NKAIN3: variants seen among roughly 807,000 people sequenced by gnomAD.
NKAIN3 encodes sodium/potassium-transporting ATPase subunit beta-1-interacting protein 3.
In NKAIN3, 25 loss-of-function variants were observed where a neutral mutation model predicts 30.2. The ratio of observed to expected loss-of-function variants is 0.83; its 90% CI spans 0.60 to 1.16. The LOEUF (loss-of-function observed/expected upper bound fraction) is 1.16. NKAIN3 is among the 50% of genes most tolerant of loss of function. The probability of loss-of-function intolerance (pLI) is 0.00; values close to 1 mark genes in which losing one functional copy is unlikely to be tolerated. For missense variants in NKAIN3, 225 were observed against 254.1 expected, an observed-to-expected ratio of 0.89 and a Z score of 0.78; for synonymous variants, 91 against 89.6, an observed-to-expected ratio of 1.02 and a Z score of -0.09.
chr8:62,627,085 G>A (rs1046184806), intron 3 of NKAIN3, among the ~76,000 whole-genome samples: 6 of 152,086 alleles, frequency 3.9e-5, no homozygotes, highest in African/African-American at 9.7e-5. Context: ...CCAACGCCTC[G>A]GGGCAACTGG....
intron 5 of NKAIN3, among the ~76,000 whole-genome samples, chr8:62,952,521 A>G (rs1465308158): frequency 2.6e-5 from 4 of 152,194 alleles, no homozygotes; most frequent in South Asian, 2.1e-4. Flanking sequence ...CCCTTCATCA[A>G]TCTGAGTTCT....
intron 1 of NKAIN3, among the ~76,000 whole-genome samples, chr8:62,345,108 T>C (rs1026544866): frequency 1.3e-5 from 2 of 151,808 alleles, no homozygotes; most frequent in African/African-American, 4.8e-5. Context: ...TTTTCAGATA[T>C]TTTGCTATTG....
chr8:62,784,463 T>C (rs1043844866), intron 4 of NKAIN3, among the ~76,000 whole-genome samples: 5 of 151,904 alleles, frequency 3.3e-5, no homozygotes, highest in Non-Finnish European at 7.4e-5. Flanking sequence ...TTATTGACCA[T>C]ACAGAAATTT....
intron 4 of NKAIN3, among the ~76,000 whole-genome samples, chr8:62,889,631 AT>A (rs1270508948): frequency 1.3e-5 from 2 of 152,156 alleles, no homozygotes; most frequent in African/African-American, 4.8e-5. Context: ...GTGAAGAAAT[AT>A]TTTTTCTGGT....
chr8:62,456,228 G>T (rs1805812756), intron 1 of NKAIN3, among the ~76,000 whole-genome samples: 1 of 152,172 alleles, frequency 6.6e-6, no homozygotes, highest in Non-Finnish European at 1.5e-5. Context: ...GAAGTCTTAA[G>T]AAAAGGAAAC....
At position 62,970,176 on chromosome 8, in the gene NKAIN3, C is replaced by T. The variant is rs1323424760; in HGVS notation, c.*4769C>T. On this transcript the variant is annotated 3_prime_UTR_variant, in exon 7 of 7. Coordinates refer to ENST00000623646, the MANE Select transcript of NKAIN3 (RefSeq NM_001304533.3). ...CAGGAATTAGAGGCTGCAGTGAGTG[C>T]ACTACTGCACTCCAGCCTAGGCAAT... Among the ~76,000 whole-genome samples the T allele has an allele frequency of 4.6e-5, 7 of 152,020 alleles. No homozygotes were observed. The highest frequency in any genetic ancestry group is 2.1e-4 in the South Asian group (1 of 4,822).
intron 3 of NKAIN3, among the ~76,000 whole-genome samples, chr8:62,678,707 A>T (rs1813556819): frequency 6.6e-6 from 1 of 150,528 alleles, no homozygotes; most frequent in African/African-American, 2.4e-5. Flanking sequence ...ATAATATAAT[A>T]TAATGATGTA....
chr8:62,513,589 CCAGG>C (rs1292201842), intron 1 of NKAIN3, among the ~76,000 whole-genome samples: 1 of 151,906 alleles, frequency 6.6e-6, no homozygotes, highest in East Asian at 1.9e-4. Flanking sequence ...GGATTTGTGG[CCAGG>C]CACAGTTGCT....
chr8:62,429,767 CTT>C lies in NKAIN3; in HGVS notation c.55-149770_55-149769del, dbSNP rs201658349. ...GTTACTACATCTAGGATACTCCAGT[CTT>C]TGTGCACTGAAGCTGCACTAGCAAC... On this transcript the variant is annotated intron_variant, in intron 1 of 6. Coordinates refer to ENST00000623646, the MANE Select transcript of NKAIN3 (RefSeq NM_001304533.3). Among the ~76,000 whole-genome samples, 1,095 of 152,016 alleles carry C rather than the reference CTT, an allele frequency of 7.2e-3. 17 individuals carry two copies. Among genetic ancestry groups the C allele is most frequent in the African/African-American group, 0.025 (1,047 of 41,514 alleles).
chr8:62,930,637 G>A (rs542734418), intron 5 of NKAIN3, among the ~76,000 whole-genome samples: 1 of 151,568 alleles, frequency 6.6e-6, no homozygotes, highest in South Asian at 2.1e-4. Flanking sequence ...GTTCTTTTGT[G>A]TATGGTTTAT....
intron 4 of NKAIN3, among the ~76,000 whole-genome samples, chr8:62,747,763 G>A (rs1186871188): frequency 2.0e-5 from 3 of 152,158 alleles, no homozygotes; most frequent in Non-Finnish European, 2.9e-5. Flanking sequence ...ATTTAAGGAT[G>A]TATAACATCA....
intron 4 of NKAIN3, among the ~76,000 whole-genome samples, chr8:62,807,100 CT>C (rs1429675108): frequency 1.3e-5 from 2 of 152,080 alleles, no homozygotes; most frequent in Admixed American, 6.5e-5. Flanking sequence ...GATAGATTTT[CT>C]TTTTGTTAAT....
At chr8:62,421,547 C>G (rs1302845241) in intron 1 of NKAIN3, among the ~76,000 whole-genome samples, 1 of 152,022 alleles carries the variant, frequency 6.6e-6, no homozygotes, top group African/African-American at 2.4e-5. Flanking sequence ...TGGGGTGGAA[C>G]TCATTTTTCT....
chr8:62,571,980 T>A (rs767249545), intron 1 of NKAIN3, among the ~76,000 whole-genome samples: 1 of 152,096 alleles, frequency 6.6e-6, no homozygotes, highest in Non-Finnish European at 1.5e-5. Context: ...ATTTTCCCCA[T>A]TGTCTTGGGG....
At chr8:62,578,181 T>C (rs2130053315) in intron 1 of NKAIN3, among the ~76,000 whole-genome samples, 1 of 152,250 alleles carries the variant, frequency 6.6e-6, no homozygotes, top group East Asian at 1.9e-4. Context: ...GGTGATATTG[T>C]AAAATTTTTC....
chr8:62,658,221 T>C (rs1812823407), intron 3 of NKAIN3, among the ~76,000 whole-genome samples: 1 of 152,192 alleles, frequency 6.6e-6, no homozygotes. Flanking sequence ...GGTAAACTTG[T>C]AACAATCTCT....
At chr8:62,484,265 G>A (rs1424454738) in intron 1 of NKAIN3, among the ~76,000 whole-genome samples, 4 of 152,138 alleles carry the variant, frequency 2.6e-5, no homozygotes, top group Admixed American at 2.6e-4. Flanking sequence ...TTTCACCCCA[G>A]TATTTCCCTC....
At chr8:62,831,375 CT>C (rs1277022133) in intron 4 of NKAIN3, among the ~76,000 whole-genome samples, 2 of 152,064 alleles carry the variant, frequency 1.3e-5, no homozygotes, top group African/African-American at 4.8e-5. Flanking sequence ...TCCAGAAATC[CT>C]CCCTAAACAA....
intron 4 of NKAIN3, among the ~76,000 whole-genome samples, chr8:62,793,133 A>G (rs572871104): frequency 2.6e-5 from 4 of 152,098 alleles, no homozygotes; most frequent in Admixed American, 6.6e-5. Flanking sequence ...CTAACCTGAC[A>G]CATCCGCTTG....
Sources: allele counts gnomAD v4.1 joint callset (sites outside exome capture counted in the v4.1 genomes callset), GRCh38; gene constraint gnomAD v4.1.1; transcripts MANE v1.5; gene names NCBI Gene and HGNC (gene_info 2026-07-23, HGNC 2026-07-21).